The following SSH2 variants were observed in gnomAD, a reference collection of about 807,000 sequenced individuals.
The protein encoded by SSH2 is slingshot protein phosphatase 2, also known as protein phosphatase Slingshot homolog 2.
Under a neutral mutation model 135.2 loss-of-function variants are expected in SSH2, and 37 were observed. That is an observed-to-expected ratio of 0.27 (90% confidence interval 0.21 to 0.36). SSH2 has a LOEUF of 0.36. SSH2 is among the 10% of genes least tolerant of loss of function. The pLI is 1.00. For synonymous variants in SSH2, 628 were observed against 646.2 expected (o/e 0.97, Z 0.43); for missense variants, 1,408 against 1,765.3 (o/e 0.80, Z 3.63).
At chr17:29,652,474 C>T (rs770070559) in intron 12 of SSH2, among the ~76,000 whole-genome samples, 7 of 151,840 alleles carry the variant, frequency 4.6e-5, no homozygotes, top group East Asian at 1.9e-4. Flanking sequence ...GATGGTTGCA[C>T]GGCTCTATGA....
chr17:29,702,630 G>C (rs191207950), intron 4 of SSH2, among the ~76,000 whole-genome samples: 152 of 152,310 alleles, frequency 1.0e-3, no homozygotes, highest in African/African-American at 3.4e-3. Context: ...ACTCCACCCT[G>C]GGTGACACAG....
intron 13 of SSH2, 86 bp from the exon 14 acceptor site, chr17:29,648,430 T>C: frequency 9.2e-7 from 1 of 1,092,076 alleles, no homozygotes; most frequent in Non-Finnish European, 1.3e-6. Flanking sequence ...TTTCCAAGTG[T>C]CCTGTCCTGC....
intron 3 of SSH2, chr17:29,761,152 C>G (rs1267038162): frequency 3.1e-6 from 4 of 1,289,264 alleles, no homozygotes; most frequent in South Asian, 2.5e-5. Context: ...GGACTCACAG[C>G]TGGTTGATGG....
intron 1 of SSH2, among the ~76,000 whole-genome samples, chr17:29,895,690 CACATTTT>C (rs1567637893): frequency 5.9e-5 from 7 of 118,154 alleles, no homozygotes; most frequent in Admixed American, 1.7e-4. Flanking sequence ...ATTTTATATA[CACATTTT>C]ATATATGAAA....
chr17:29,638,523 CACACA>C (rs1180534899), intron 14 of SSH2, among the ~76,000 whole-genome samples: 2 of 145,374 alleles, frequency 1.4e-5, no homozygotes, highest in Admixed American at 1.4e-4. Flanking sequence ...CACACACACA[CACACA>C]CACACACACA....
rs3751919 is a variant in SSH2, at chr17:29,761,090, C to A, written c.188+32804G>T. On this transcript the variant is annotated intron_variant, in intron 3 of 15. Transcript: ENST00000540801. ...CTCCCCAGGATGCTGGGGAAAGCGG[C>A]TGCTGAAAGAGCAAACTTTCTGAGC... The A allele has an allele frequency of 1.9e-5, 24 of 1,284,782 alleles. No homozygotes were observed. In the East Asian group the frequency reaches 1.0e-3, roughly 55 times the overall value. 79.6% of individuals were successfully genotyped at this position (1,284,782 alleles called of 1,614,324 possible).
At chr17:29,901,283 A>AT (rs1375358563) in intron 1 of SSH2, among the ~76,000 whole-genome samples, 1 of 150,860 alleles carries the variant, frequency 6.6e-6, no homozygotes, top group Non-Finnish European at 1.5e-5. Context: ...TATAATAATA[A>AT]AAAAAAAACA....
At chr17:29,737,530 T>C (rs2040412450) in intron 3 of SSH2, among the ~76,000 whole-genome samples, 1 of 152,172 alleles carries the variant, frequency 6.6e-6, no homozygotes, top group Non-Finnish European at 1.5e-5. Flanking sequence ...GGATATGAAA[T>C]TAACTACAGA....
chr17:29,894,888 C>T (rs1274489171), intron 1 of SSH2, among the ~76,000 whole-genome samples: 1 of 149,840 alleles, frequency 6.7e-6, no homozygotes, highest in East Asian at 2.0e-4. Context: ...CCCCCCAATA[C>T]AGCTTCAGAT....
chr17:29,879,610 T>C (rs930438265), intron 1 of SSH2, among the ~76,000 whole-genome samples: 2 of 152,110 alleles, frequency 1.3e-5, no homozygotes, highest in Admixed American at 6.6e-5. Flanking sequence ...TGTGAACAAA[T>C]GGATATTAGA....
chr17:29,776,036 GGCC>G (rs767994530), intron 3 of SSH2: 3 of 152,348 alleles, frequency 2.0e-5, no homozygotes, highest in Non-Finnish European at 4.4e-5. Flanking sequence ...AAAGGTTGAA[GGCC>G]AGTTCAGTAC....
intron 1 of SSH2, among the ~76,000 whole-genome samples, chr17:29,899,173 T>C (rs1261988323): frequency 6.6e-6 from 1 of 151,908 alleles, no homozygotes; most frequent in East Asian, 1.9e-4. Context: ...GCCAATATCA[T>C]ACTGAATGGG....
At position 29,630,962 on chromosome 17, in the gene SSH2, C is replaced by T. The variant is rs1341158933; in HGVS notation, c.4232G>A (p.Cys1411Tyr). The T allele has an allele frequency of 6.2e-7, 1 of 1,613,088 alleles. No homozygotes were observed. The highest frequency in any genetic ancestry group is 2.2e-5 in the East Asian group (1 of 44,832). ...VLQTQGLQCACPAPGLAVAPR... is the reference protein window; with the variant it reads ...VLQTQGLQCAYPAPGLAVAPR... ...TGCCACGGCCAGCCCTGGAGCTGGG[C>T]ATGCACACTGCAGTCCCTGGGTCTG... is the stretch of plus-strand genomic sequence containing the variant. The change falls in exon 16 of 16, where the codon TGC becomes TAC. Residue 1411 changes from cysteine (C) to tyrosine (Y), a missense_variant. Coordinates refer to ENST00000540801, the MANE Select transcript of SSH2 (RefSeq NM_001282129.2).
intron 2 of SSH2, among the ~76,000 whole-genome samples, chr17:29,831,115 G>A (rs911159945): frequency 2.6e-5 from 4 of 152,272 alleles, no homozygotes; most frequent in Admixed American, 2.0e-4. Flanking sequence ...TGATATAGTC[G>A]TGGCTGCTTT....
At chr17:29,896,411 A>G (rs1263024886) in intron 1 of SSH2, among the ~76,000 whole-genome samples, 2 of 141,786 alleles carry the variant, frequency 1.4e-5, no homozygotes. Flanking sequence ...TATTTTATAT[A>G]TACATTTCAT....
intron 14 of SSH2, among the ~76,000 whole-genome samples, chr17:29,639,394 TG>T (rs972290307): frequency 6.6e-6 from 1 of 151,640 alleles, no homozygotes; most frequent in Non-Finnish European, 1.5e-5. Flanking sequence ...AACCGCAGGG[TG>T]GAATGGGAAA....
At chr17:29,890,741 A>G (rs1035348148) in intron 1 of SSH2, among the ~76,000 whole-genome samples, 1 of 152,154 alleles carries the variant, frequency 6.6e-6, no homozygotes. Context: ...ACCAAAACCA[A>G]TGTATTAACT....
chr17:29,740,750 A>C (rs986847168), intron 3 of SSH2, among the ~76,000 whole-genome samples: 2 of 152,236 alleles, frequency 1.3e-5, no homozygotes, highest in African/African-American at 4.8e-5. Context: ...TCTAAAATTT[A>C]AGTATGATAG....
At chr17:29,843,745 A>G (rs962059120) in intron 2 of SSH2, among the ~76,000 whole-genome samples, 5 of 152,054 alleles carry the variant, frequency 3.3e-5, no homozygotes, top group Non-Finnish European at 5.9e-5. Flanking sequence ...AGGACTGGCT[A>G]CTCCACATCA....
Sources: gnomAD v4.1 joint callset for allele counts (sites outside exome capture counted in the v4.1 genomes callset) on GRCh38, gnomAD v4.1.1 for gene constraint, MANE v1.5 for transcripts, NCBI Gene and HGNC (gene_info 2026-07-23, HGNC 2026-07-21) for gene names.